ENTHD1: variants seen among roughly 807,000 people sequenced by gnomAD.
ENTHD1 encodes ENTH domain-containing protein 1.
Under a neutral mutation model 39.1 loss-of-function variants are expected in ENTHD1, and 23 were observed. The observed-to-expected ratio is 0.59, with a 90% CI of 0.42 to 0.83. The LOEUF (loss-of-function observed/expected upper bound fraction) is 0.83. Among genes scored for constraint, ENTHD1 ranks in the 40% least tolerant of loss-of-function variants. The pLI is 0.00. For synonymous variants in ENTHD1, 230 were observed against 258.2 expected (o/e 0.89, Z 1.05); for missense variants, 624 against 705.4 (o/e 0.88, Z 1.31).
At chr22:39,860,692 G>A (rs2066132675) in intron 3 of ENTHD1, among the ~76,000 whole-genome samples, 1 of 152,128 alleles carries the variant, frequency 6.6e-6, no homozygotes, top group Admixed American at 6.5e-5. Context: ...ACTGACAGTT[G>A]GAATTATCTA....
chr22:39,850,357 T>C (rs1283453229), intron 3 of ENTHD1, among the ~76,000 whole-genome samples: 3 of 152,202 alleles, frequency 2.0e-5, no homozygotes, highest in Non-Finnish European at 4.4e-5. Context: ...TTGCCTGTTA[T>C]TAAGTAGCTA....
intron 5 of ENTHD1, among the ~76,000 whole-genome samples, chr22:39,793,007 C>T (rs1663595577): frequency 6.6e-6 from 1 of 152,062 alleles, no homozygotes; most frequent in South Asian, 2.1e-4. Flanking sequence ...AGAAATCTCC[C>T]TATAATTTTC....
At chr22:39,883,253 C>T (rs1341029568) in intron 2 of ENTHD1, among the ~76,000 whole-genome samples, 2 of 151,812 alleles carry the variant, frequency 1.3e-5, no homozygotes. Flanking sequence ...ATCAAGAGTA[C>T]TCATAAAGTC....
At chr22:39,855,906 G>A (rs1221395691) in intron 3 of ENTHD1, among the ~76,000 whole-genome samples, 5 of 152,166 alleles carry the variant, frequency 3.3e-5, no homozygotes, top group Non-Finnish European at 7.3e-5. Context: ...ATCATAACTT[G>A]TGGATGCACC....
intron 5 of ENTHD1, among the ~76,000 whole-genome samples, chr22:39,796,262 T>TTTTTC (rs1023756973): frequency 2.0e-5 from 3 of 152,212 alleles, no homozygotes; most frequent in African/African-American, 4.8e-5. Flanking sequence ...TGTTTCTTTC[T>TTTTTC]TTTTCTTTTC....
At chr22:39,797,505 C>A (rs1433401907) in intron 5 of ENTHD1, among the ~76,000 whole-genome samples, 1 of 152,120 alleles carries the variant, frequency 6.6e-6, no homozygotes, top group African/African-American at 2.4e-5. Context: ...AGTCCTTTCT[C>A]TTCCTCATTT....
intron 6 of ENTHD1, among the ~76,000 whole-genome samples, chr22:39,748,153 G>GT (rs925460182): frequency 6.6e-6 from 1 of 151,782 alleles, no homozygotes; most frequent in African/African-American, 2.4e-5. Context: ...GGAGACTAAA[G>GT]TGGGAGGACC....
chr22:39,871,550 T>C (rs961434714), intron 2 of ENTHD1, among the ~76,000 whole-genome samples: 4 of 152,244 alleles, frequency 2.6e-5, no homozygotes, highest in Non-Finnish European at 5.9e-5. Context: ...TTTCATTTGA[T>C]GAGAACCTTA....
At chr22:39,876,375 T>G (rs2066289638) in intron 2 of ENTHD1, among the ~76,000 whole-genome samples, 2 of 152,316 alleles carry the variant, frequency 1.3e-5, no homozygotes, top group South Asian at 4.1e-4. Context: ...TAATTAAAAA[T>G]TACAGACTGG....
chr22:39,781,464 GA>G (rs1212822046), intron 5 of ENTHD1, among the ~76,000 whole-genome samples: 2 of 152,026 alleles, frequency 1.3e-5, no homozygotes, highest in Non-Finnish European at 2.9e-5. Flanking sequence ...TGAAACAAAT[GA>G]AAATGGAAAT....
rs66624048 is a variant in ENTHD1, at chr22:39,771,383, G to A, written c.833-5774C>T. Among the ~76,000 whole-genome samples, 662 of 152,232 alleles carry A rather than the reference G, an allele frequency of 4.3e-3. 4 individuals carry two copies. The highest frequency in any genetic ancestry group is 0.024 in the Middle Eastern group (7 of 294). On this transcript the variant is annotated intron_variant, in intron 5 of 6. Transcript: ENST00000325157. ...CCAGCTCTACAGTAATTGGCTAAAA[G>A]TGGGCTGAAACCACAGTCTTAACTG...
At chr22:39,854,262 C>A (rs559834082) in intron 3 of ENTHD1, among the ~76,000 whole-genome samples, 1 of 152,258 alleles carries the variant, frequency 6.6e-6, no homozygotes, top group Non-Finnish European at 1.5e-5. Flanking sequence ...CAACATTGAA[C>A]AAAAGGATGT....
chr22:39,846,839 A>G (rs2065992934), intron 3 of ENTHD1, among the ~76,000 whole-genome samples: 1 of 152,132 alleles, frequency 6.6e-6, no homozygotes, highest in African/African-American at 2.4e-5. Context: ...CAAAACCACA[A>G]TGAGATACCA....
chr22:39,768,809 G>T (rs963832382), intron 5 of ENTHD1, among the ~76,000 whole-genome samples: 4 of 151,818 alleles, frequency 2.6e-5, no homozygotes, highest in African/African-American at 9.7e-5. Flanking sequence ...AAATAGGAAT[G>T]GTCCATCAAG....
At chr22:39,868,760 CTTAAACAA>C (rs544419894) in intron 2 of ENTHD1, among the ~76,000 whole-genome samples, 48 of 152,250 alleles carry the variant, frequency 3.2e-4, no homozygotes, top group Middle Eastern at 6.8e-3. Context: ...CTATAAGGAA[CTTAAACAA>C]TTAAACAAGC....
At chr22:39,755,114 TCTCTC>T (rs2065174964) in intron 6 of ENTHD1, among the ~76,000 whole-genome samples, 1 of 152,220 alleles carries the variant, frequency 6.6e-6, no homozygotes, top group East Asian at 1.9e-4. Context: ...CACGGTCTCT[TCTCTC>T]ATGAAGATGA....
At chr22:39,759,199 A>C (rs1326517024) in intron 6 of ENTHD1, among the ~76,000 whole-genome samples, 1 of 152,182 alleles carries the variant, frequency 6.6e-6, no homozygotes, top group East Asian at 1.9e-4. Flanking sequence ...CTTCTTTCTT[A>C]GAATTCACTA....
At chr22:39,773,905 A>C (rs2065347192) in intron 5 of ENTHD1, among the ~76,000 whole-genome samples, 1 of 152,244 alleles carries the variant, frequency 6.6e-6, no homozygotes, top group Non-Finnish European at 1.5e-5. Flanking sequence ...AGTCAAGAGA[A>C]GAAGGACACA....
intron 5 of ENTHD1, among the ~76,000 whole-genome samples, chr22:39,778,942 G>C (rs1406513145): frequency 1.3e-5 from 2 of 152,134 alleles, no homozygotes; most frequent in East Asian, 3.8e-4. Context: ...AAATTATTAA[G>C]CACAGAAGAT....
Sources: allele counts gnomAD v4.1 joint callset (sites outside exome capture counted in the v4.1 genomes callset), GRCh38; gene constraint gnomAD v4.1.1; transcripts MANE v1.5; gene names NCBI Gene and HGNC (gene_info 2026-07-23, HGNC 2026-07-21).